The following ASTN2 variants were observed in gnomAD, a reference collection of about 807,000 sequenced individuals.
ASTN2 encodes astrotactin 2, also known as astrotactin-2.
Under a neutral mutation model 139.8 loss-of-function variants are expected in ASTN2, and 54 were observed. That is an observed-to-expected ratio of 0.39 (90% CI 0.31 to 0.48). The LOEUF (loss-of-function observed/expected upper bound fraction) is 0.48, where lower values mean the gene tolerates loss of function less well. Among genes scored for constraint, ASTN2 ranks in the 20% least tolerant of loss-of-function variants. The pLI is 0.95. For missense variants in ASTN2, 1,565 were observed against 1,725.1 expected, an observed-to-expected ratio of 0.91 and a Z score of 1.64; for synonymous variants, 756 against 719.5, an observed-to-expected ratio of 1.05 and a Z score of -0.81.
chr9:117,002,494 A>G (rs2132572797), intron 7 of ASTN2, among the ~76,000 whole-genome samples: 1 of 152,302 alleles, frequency 6.6e-6, no homozygotes, highest in Non-Finnish European at 1.5e-5. Flanking sequence ...TGTTGGAATA[A>G]GAGAGTAAGA....
At chr9:117,193,561 T>C (rs1029720643) in intron 3 of ASTN2, among the ~76,000 whole-genome samples, 5 of 142,686 alleles carry the variant, frequency 3.5e-5, no homozygotes, top group Non-Finnish European at 1.5e-5. Context: ...TCACTTGAAC[T>C]TGGGAGGCAG....
At chr9:117,326,938 G>A (rs1265959132) in intron 1 of ASTN2, among the ~76,000 whole-genome samples, 1 of 152,172 alleles carries the variant, frequency 6.6e-6, no homozygotes, top group Non-Finnish European at 1.5e-5. Flanking sequence ...CAAGGACGTA[G>A]AGCAATGGTC....
intron 1 of ASTN2, among the ~76,000 whole-genome samples, chr9:117,360,731 G>T (rs1829669017): frequency 6.6e-6 from 1 of 151,972 alleles, no homozygotes; most frequent in African/African-American, 2.4e-5. Flanking sequence ...GGCTTTACTA[G>T]TGGCACTCTG....
chr9:117,224,268 G>A (rs1212513296), intron 2 of ASTN2, among the ~76,000 whole-genome samples: 1 of 152,198 alleles, frequency 6.6e-6, no homozygotes, highest in Non-Finnish European at 1.5e-5. Flanking sequence ...TCTCATCTGT[G>A]AATTGGGTTA....
chr9:116,654,994 AC>A (rs1204337786), intron 16 of ASTN2, among the ~76,000 whole-genome samples: 2 of 152,254 alleles, frequency 1.3e-5, no homozygotes, highest in Non-Finnish European at 2.9e-5. Flanking sequence ...TTAAAAGCCC[AC>A]AATCTTGGCT....
intron 2 of ASTN2, among the ~76,000 whole-genome samples, chr9:117,228,277 G>A (rs10818014): frequency 0.15 from 23,365 of 152,008 alleles, 2,068 homozygotes; most frequent in South Asian, 0.24. Flanking sequence ...GAGTAACTTA[G>A]GCGCAAAAGA....
At chr9:116,527,986 T>C (rs1027222429) in intron 19 of ASTN2, among the ~76,000 whole-genome samples, 2 of 152,176 alleles carry the variant, frequency 1.3e-5, no homozygotes, top group Non-Finnish European at 2.9e-5. Context: ...TAGTTCTTTA[T>C]AGCAGTGTGA....
At chr9:117,365,614 A>G (rs1347972069) in intron 1 of ASTN2, among the ~76,000 whole-genome samples, 1 of 152,180 alleles carries the variant, frequency 6.6e-6, no homozygotes, top group Non-Finnish European at 1.5e-5. Context: ...TTCCACTCAC[A>G]GTTATGTGAG....
intron 10 of ASTN2, among the ~76,000 whole-genome samples, chr9:116,910,324 C>A (rs1244668547): frequency 6.6e-6 from 1 of 152,160 alleles, no homozygotes; most frequent in African/African-American, 2.4e-5. Context: ...GCAACACTGG[C>A]ATTTCGGGTC....
intron 20 of ASTN2, among the ~76,000 whole-genome samples, chr9:116,443,645 C>G (rs2118886796): frequency 6.6e-6 from 1 of 152,198 alleles, no homozygotes; most frequent in Non-Finnish European, 1.5e-5. Context: ...TACAGTTAAG[C>G]AAAGTCTAAG....
chr9:116,635,512 T>C (rs945595091), intron 17 of ASTN2, among the ~76,000 whole-genome samples: 2 of 152,186 alleles, frequency 1.3e-5, no homozygotes, highest in African/African-American at 2.4e-5. Context: ...TATAAACCTA[T>C]ATATTATCTA....
At chr9:116,887,214 C>A (rs1833631260) in intron 10 of ASTN2, among the ~76,000 whole-genome samples, 1 of 151,814 alleles carries the variant, frequency 6.6e-6, no homozygotes, top group Non-Finnish European at 1.5e-5. Flanking sequence ...TGGCTGAGTA[C>A]TAGCTAGGTG....
intron 3 of ASTN2, among the ~76,000 whole-genome samples, chr9:117,192,021 G>A (rs1028304508): frequency 1.3e-5 from 2 of 152,216 alleles, no homozygotes; most frequent in African/African-American, 2.4e-5. Flanking sequence ...ATGCTGGGAA[G>A]TGACATTTTA....
chr9:116,789,011 C>A (rs1185822421), intron 13 of ASTN2, among the ~76,000 whole-genome samples: 1 of 152,148 alleles, frequency 6.6e-6, no homozygotes, highest in Admixed American at 6.5e-5. Flanking sequence ...TTTCCACCTT[C>A]TTTGCAAATA....
chr9:116,562,136 CA>C (rs1290643210), intron 19 of ASTN2: 1 of 152,200 alleles, frequency 6.6e-6, no homozygotes, highest in East Asian at 1.9e-4. Flanking sequence ...CAGTATTTCC[CA>C]AAGTGGGTTC....
chr9:116,806,786 G>T (rs577583911), intron 12 of ASTN2, among the ~76,000 whole-genome samples: 56 of 151,708 alleles, frequency 3.7e-4, no homozygotes, highest in Non-Finnish European at 6.8e-4. Context: ...ATGATACATT[G>T]GCCACAAAAA....
chr9:117,106,011 C>A (rs1357016253), intron 4 of ASTN2, among the ~76,000 whole-genome samples: 1 of 152,070 alleles, frequency 6.6e-6, no homozygotes, highest in African/African-American at 2.4e-5. Flanking sequence ...AATATAGAAC[C>A]AATTCTGGAA....
At chr9:116,809,176 C>A (rs11999912) in intron 12 of ASTN2, among the ~76,000 whole-genome samples, 4 of 151,772 alleles carry the variant, frequency 2.6e-5, no homozygotes, top group Admixed American at 2.0e-4. Flanking sequence ...ACCCACAAGA[C>A]GATAAAATAT....
intron 4 of ASTN2, among the ~76,000 whole-genome samples, chr9:117,140,327 C>A (rs771673429): frequency 3.3e-5 from 5 of 151,936 alleles, no homozygotes; most frequent in Non-Finnish European, 7.4e-5. Context: ...TGCTAGATAA[C>A]CACTGAAGCT....
Sources: gnomAD v4.1 joint callset for allele counts (sites outside exome capture counted in the v4.1 genomes callset) on GRCh38, gnomAD v4.1.1 for gene constraint, MANE v1.5 for transcripts, NCBI Gene and HGNC (gene_info 2026-07-23, HGNC 2026-07-21) for gene names.